The following COL21A1 variants were observed in gnomAD, a reference collection of about 807,000 sequenced individuals.
COL21A1 encodes the protein collagen alpha-1(XXI) chain.
COL21A1 carries 149 observed loss-of-function variants against 137.9 expected under a neutral mutation model. That is an observed-to-expected ratio of 1.08 (90% CI 0.95 to 1.24). The LOEUF (loss-of-function observed/expected upper bound fraction) is 1.24. COL21A1 is among the 50% of genes most tolerant of loss of function. The pLI is 0.00. For missense variants in COL21A1, 1,167 were observed against 1,158.4 expected (o/e 1.01, Z -0.11); for synonymous variants, 456 against 391.5 (o/e 1.16, Z -1.95).
chr6:56,208,586 T>C (rs10223337), intron 1 of COL21A1, among the ~76,000 whole-genome samples: 2,063 of 152,228 alleles, frequency 0.014, 45 homozygotes, highest in African/African-American at 0.047. Context: ...ATCGTGAAAA[T>C]GACCATACTG....
In COL21A1 at chr6:56,168,158, A is replaced by G. The variant is rs1292260313; in HGVS notation, c.1166T>C (p.Ile389Thr). The G allele has an allele frequency of 9.8e-6, 15 of 1,535,838 alleles. No homozygotes were observed. The highest frequency in any genetic ancestry group is 1.7e-4 in the Middle Eastern group (1 of 5,884). ...LGILINGQTQ[I>T]GKYSGKEETV... is the part of the protein sequence containing the mutation. ...TTCTTCTTTTCCAGAATATTTTCCAATTTGGGTTTGCCCATTGATCAAGAT... is the reference window on the plus strand; with the variant it reads ...TTCTTCTTTTCCAGAATATTTTCCAGTTTGGGTTTGCCCATTGATCAAGAT... Residue 389 changes from isoleucine to threonine, a missense_variant, in exon 6 of 30, where the codon ATT becomes ACT. By Grantham distance (89) the Ile-to-Thr change is moderately conservative. Transcript: ENST00000244728.
chr6:56,353,984 A>C (rs1765776004), intron 1 of COL21A1, among the ~76,000 whole-genome samples: 1 of 152,252 alleles, frequency 6.6e-6, no homozygotes, highest in African/African-American at 2.4e-5. Context: ...TATAAAACAT[A>C]ATTTAAATGC....
At position 56,232,009 on chromosome 6, in the gene COL21A1, C is replaced by T. The variant is rs1781597185; in HGVS notation, c.-39+15378G>A. ...AAACTATTTGACATTGTTTTCAACA[C>T]ACACAAAAAAAGTTAGCAAATGAAC... On this transcript the variant is annotated intron_variant, in intron 1 of 29. Coordinates refer to ENST00000244728, the MANE Select transcript of COL21A1 (RefSeq NM_030820.4). 2.6e-5 allele frequency among the ~76,000 whole-genome samples: 4 copies of T among 151,814 alleles called. No homozygotes were observed. The South Asian group carries it at 8.3e-4, about 31-fold the overall frequency.
intron 17 of COL21A1, among the ~76,000 whole-genome samples, chr6:56,082,368 TA>T (rs1246686351): frequency 2.0e-5 from 3 of 151,966 alleles, no homozygotes; most frequent in Non-Finnish European, 4.4e-5. Flanking sequence ...TAGACATATG[TA>T]AAACTTAAAA....
At chr6:56,279,264 C>G (rs1763740647) in intron 1 of COL21A1, among the ~76,000 whole-genome samples, 2 of 152,134 alleles carry the variant, frequency 1.3e-5, no homozygotes, top group Non-Finnish European at 2.9e-5. Flanking sequence ...TTTTCTGAGG[C>G]CTCCCCAGAA....
chr6:56,370,621 G>T (rs1293078742), intron 1 of COL21A1, among the ~76,000 whole-genome samples: 1 of 152,172 alleles, frequency 6.6e-6, no homozygotes, highest in Non-Finnish European at 1.5e-5. Context: ...TGCTCCCTAT[G>T]ATACCATCAC....
At chr6:56,135,332 A>C (rs547225446) in intron 12 of COL21A1, among the ~76,000 whole-genome samples, 3 of 152,256 alleles carry the variant, frequency 2.0e-5, no homozygotes, top group African/African-American at 7.2e-5. Context: ...CAAATTACAG[A>C]GAAGTAACAC....
intron 9 of COL21A1, among the ~76,000 whole-genome samples, chr6:56,161,896 T>G (rs1776232577): frequency 6.6e-6 from 1 of 152,182 alleles, no homozygotes; most frequent in African/African-American, 2.4e-5. Flanking sequence ...ACACAAAAAT[T>G]TCTCCTCTGT....
chr6:56,087,639 G>T (rs1307060151), intron 17 of COL21A1, among the ~76,000 whole-genome samples: 1 of 152,062 alleles, frequency 6.6e-6, no homozygotes, highest in Non-Finnish European at 1.5e-5. Flanking sequence ...TCCCTTCAAG[G>T]CTTGGGAGTT....
At chr6:56,262,081 A>C (rs1763293343) in intron 1 of COL21A1, among the ~76,000 whole-genome samples, 1 of 152,208 alleles carries the variant, frequency 6.6e-6, no homozygotes, top group African/African-American at 2.4e-5. Flanking sequence ...AATTTTACTT[A>C]TTAATGCATT....
chr6:56,351,053 C>T (rs527436402), intron 1 of COL21A1, among the ~76,000 whole-genome samples: 1 of 152,260 alleles, frequency 6.6e-6, no homozygotes, highest in Non-Finnish European at 1.5e-5. Context: ...CTGTGCCCGG[C>T]CTTCTGCCAT....
In COL21A1 at chr6:56,229,302, T is replaced by C. The variant is rs569391467; in HGVS notation, c.-39+18085A>G. On this transcript the variant is annotated intron_variant, in intron 1 of 29. Coordinates refer to ENST00000244728, the MANE Select transcript of COL21A1 (RefSeq NM_030820.4). ...TCAGGAGCCTGAGAGGACAGAACCATTGAGCCCAGGAGTTTGAATTGCACT... is the reference window on the plus strand; with the variant it reads ...TCAGGAGCCTGAGAGGACAGAACCACTGAGCCCAGGAGTTTGAATTGCACT... Among the ~76,000 whole-genome samples, 13 of 152,054 alleles carry C rather than the reference T, an allele frequency of 8.5e-5. No homozygotes were observed. The East Asian group carries it at 1.7e-3, about 20-fold the overall frequency.
intron 1 of COL21A1, among the ~76,000 whole-genome samples, chr6:56,233,072 T>C (rs985287285): frequency 5.9e-5 from 9 of 151,844 alleles, no homozygotes; most frequent in African/African-American, 2.2e-4. Context: ...TCTTGAACAC[T>C]GTGCAACTCC....
chr6:56,241,250 T>C (rs1230622353), intron 1 of COL21A1, among the ~76,000 whole-genome samples: 1 of 152,188 alleles, frequency 6.6e-6, no homozygotes, highest in African/African-American at 2.4e-5. Flanking sequence ...GAGAGCTTGT[T>C]TTCTTTCTCT....
chr6:56,299,935 C>T (rs1475124130), intron 1 of COL21A1, among the ~76,000 whole-genome samples: 1 of 152,120 alleles, frequency 6.6e-6, no homozygotes, highest in Non-Finnish European at 1.5e-5. Context: ...ATTGTTTTAA[C>T]TCTACTTGCA....
intron 1 of COL21A1, among the ~76,000 whole-genome samples, chr6:56,374,024 A>T (rs959525356): frequency 3.3e-5 from 5 of 152,222 alleles, no homozygotes; most frequent in Non-Finnish European, 7.3e-5. Context: ...ACCCTATTTT[A>T]AAAGGAGTGT....
chr6:56,300,323 G>T (rs1018971602), intron 1 of COL21A1, among the ~76,000 whole-genome samples: 6 of 152,052 alleles, frequency 3.9e-5, no homozygotes, highest in Non-Finnish European at 7.4e-5. Context: ...TGGGATGATA[G>T]TTGCTTGTTC....
At chr6:56,077,314 G>A (rs1250453683) in intron 18 of COL21A1, among the ~76,000 whole-genome samples, 18 of 151,104 alleles carry the variant, frequency 1.2e-4, no homozygotes, top group Non-Finnish European at 1.6e-4. Flanking sequence ...AAGTAAAGGA[G>A]GAAGCATATA....
chr6:56,190,863 GA>G (rs1391976777), intron 1 of COL21A1, among the ~76,000 whole-genome samples: 2 of 152,146 alleles, frequency 1.3e-5, no homozygotes, highest in Non-Finnish European at 2.9e-5. Context: ...AATAGGTGCA[GA>G]AAAGGCCTTC....
Sources: allele counts gnomAD v4.1 joint callset (sites outside exome capture counted in the v4.1 genomes callset), GRCh38; gene constraint gnomAD v4.1.1; transcripts MANE v1.5; gene names NCBI Gene and HGNC (gene_info 2026-07-23, HGNC 2026-07-21).